Variants in GPAM observed in about 807,000 individuals in gnomAD.
The protein encoded by GPAM is glycerol-3-phosphate acyltransferase 1, mitochondrial.
In GPAM, 56 loss-of-function variants were observed where a neutral mutation model predicts 105.0. That is an observed-to-expected ratio of 0.53 (90% CI 0.43 to 0.67). The LOEUF is 0.67. GPAM is among the 30% of genes least tolerant of loss of function. The pLI is 0.00. For missense variants in GPAM, 855 were observed against 989.8 expected (o/e 0.86, Z 1.83); for synonymous variants, 368 against 354.4 (o/e 1.04, Z -0.43).
At chr10:112,166,227 A>G (rs1264604015) in intron 12 of GPAM, among the ~76,000 whole-genome samples, 175 bp downstream of exon 12, 4 of 152,148 alleles carry the variant, frequency 2.6e-5, no homozygotes, top group Admixed American at 1.3e-4. Flanking sequence ...TCCTTTGTCA[A>G]TAGGCAAATT....
the GPAM span, among the ~76,000 whole-genome samples, chr10:112,220,593 A>G: frequency 6.6e-6 from 1 of 152,150 alleles, no homozygotes; most frequent in South Asian, 2.1e-4. Flanking sequence ...GTCCTTGAAT[A>G]GTGGGTTTGT....
At position 112,152,630 on chromosome 10, in the gene GPAM, T is replaced by C; in HGVS notation, c.*920A>G. On this transcript the variant is annotated 3_prime_UTR_variant, in exon 22 of 22. Coordinates refer to ENST00000348367, the MANE Select transcript of GPAM (RefSeq NM_001244949.2). Reference sequence around the variant, plus strand: ...ATTCTAACAGTCTGTCAGCTCAAGCTAATCAAGTTAGGAAAACTGCTATTT... The same window carrying C: ...ATTCTAACAGTCTGTCAGCTCAAGCCAATCAAGTTAGGAAAACTGCTATTT... 1 of 985,386 alleles carries C rather than the reference T, an allele frequency of 1.0e-6. No homozygotes were observed. Among genetic ancestry groups the C allele is most frequent in the African/African-American group, 1.7e-5 (1 of 57,366 alleles). 61.0% of individuals were successfully genotyped at this position (985,386 alleles called of 1,614,324 possible). A position where few individuals can be genotyped will look rare whatever the true frequency, so the allele number is the denominator to read the frequency against.
At chr10:112,154,491 C>CA in intron 21 of GPAM, 138 bp downstream of exon 21, 1 of 705,274 alleles carries the variant, frequency 1.4e-6, no homozygotes, top group Admixed American at 2.1e-5. Context: ...GCCCCGTTCC[C>CA]AAAAATGCCT....
intron 1 of GPAM, among the ~76,000 whole-genome samples, chr10:112,210,752 C>T (rs1310255269): frequency 2.0e-5 from 3 of 152,204 alleles, no homozygotes; most frequent in Non-Finnish European, 4.4e-5. Flanking sequence ...AGAGTTTCTG[C>T]TCTGTCTGGA....
At chr10:112,171,426 T>G (rs1019614398) in intron 9 of GPAM, among the ~76,000 whole-genome samples, 3 of 152,238 alleles carry the variant, frequency 2.0e-5, no homozygotes, top group African/African-American at 7.2e-5. Flanking sequence ...TCATTCTTTC[T>G]AATCCAGAAT....
intron 13 of GPAM, 123 bp from the exon 14 acceptor site, chr10:112,163,939 C>T (rs912552365): frequency 1.0e-5 from 7 of 693,540 alleles, no homozygotes; most frequent in Non-Finnish European, 1.6e-5. Flanking sequence ...AAACCACAAA[C>T]AGATTATTTC....
chr10:112,160,695 A>T lies in GPAM; in HGVS notation c.1668T>A (p.Phe556Leu). 6.2e-7 allele frequency: 1 copy of T among 1,613,894 alleles called. No homozygotes were observed. Among genetic ancestry groups the T allele is most frequent in the South Asian group, 1.1e-5 (1 of 91,086 alleles). Residue 556 changes from phenylalanine to leucine, a missense_variant, in exon 16 of 22, where the codon TTT becomes TTA. Transcript: ENST00000348367. ...ATGGGACAGTTGTGCTGGGGGTGAT[A>T]AAAAACTCATCGTTCCTGCTAGTGT... is the stretch of plus-strand genomic sequence containing the variant. ...ITHTSRNDEFFITPSTTVPSV... is the reference protein window; with the variant it reads ...ITHTSRNDEFLITPSTTVPSV...
chr10:112,180,209 AAAGT>A (rs572925282), intron 4 of GPAM, among the ~76,000 whole-genome samples: 3 of 152,284 alleles, frequency 2.0e-5, no homozygotes, highest in African/African-American at 7.2e-5. Flanking sequence ...GACTTAACCA[AAAGT>A]AAGATCTACT....
chr10:112,194,630 GA>G (rs1847702260), intron 1 of GPAM, among the ~76,000 whole-genome samples: 1 of 152,178 alleles, frequency 6.6e-6, no homozygotes, highest in Non-Finnish European at 1.5e-5. Flanking sequence ...TTTTAACATG[GA>G]CAAACCCAGA....
At chr10:112,189,111 A>C (rs180987302) in intron 1 of GPAM, among the ~76,000 whole-genome samples, 21 of 152,224 alleles carry the variant, frequency 1.4e-4, no homozygotes, top group Admixed American at 1.2e-3. Context: ...GACTTGCAAA[A>C]ATCTAATGAT....
chr10:112,150,766 A>G lies in GPAM; in HGVS notation c.*2784T>C, dbSNP rs1232554303. ...GCAAACTTGGTTTCCCAGCAACACC[A>G]TTTCTATAAAACACTGATGAACATC... On this transcript the variant is annotated 3_prime_UTR_variant, in exon 22 of 22. Coordinates refer to ENST00000348367, the MANE Select transcript of GPAM (RefSeq NM_001244949.2). 1.6e-5 allele frequency: 16 copies of G among 985,370 alleles called. No individual in the cohort carries two copies. Among genetic ancestry groups the G allele is most frequent in the Non-Finnish European group, 1.9e-5 (16 of 829,876 alleles). 61.0% of individuals were successfully genotyped at this position (985,370 alleles called of 1,614,324 possible).
In GPAM at chr10:112,160,766, C is replaced by T; in HGVS notation, c.1597G>A (p.Val533Ile). ...CCCAGCAGCTGTATGGCATGCATTA[C>T]TACATCTTCTGAATTTCCTGAGAAC... Reference protein sequence around the residue: ...LGFSGNSEDVVMHAIQLLGNC... With the variant: ...LGFSGNSEDVIMHAIQLLGNC... Residue 533 changes from valine to isoleucine, a missense_variant, in exon 16 of 22, where the codon GTA (valine) becomes ATA (isoleucine). Coordinates refer to ENST00000348367, the MANE Select transcript of GPAM (RefSeq NM_001244949.2). The T allele has an allele frequency of 6.2e-7, 1 of 1,614,072 alleles. No homozygotes were observed. The highest frequency in any genetic ancestry group is 8.5e-7 in the Non-Finnish European group (1 of 1,179,950).
At chr10:112,206,789 T>G (rs1847855398) in intron 1 of GPAM, among the ~76,000 whole-genome samples, 1 of 147,980 alleles carries the variant, frequency 6.8e-6, no homozygotes, top group African/African-American at 2.5e-5. Context: ...CTGCACAATG[T>G]ACACATGTAC....
At chr10:112,216,520 A>G (rs1327189442), upstream of GPAM, among the ~76,000 whole-genome samples, 1 of 152,258 alleles carries the variant, frequency 6.6e-6, no homozygotes. Flanking sequence ...GGACAAGTAC[A>G]GTCAAATATT....
chr10:112,202,875 G>T (rs1847813404), intron 1 of GPAM, among the ~76,000 whole-genome samples: 2 of 152,326 alleles, frequency 1.3e-5, no homozygotes, highest in Middle Eastern at 3.4e-3. Context: ...AACATTATTT[G>T]TGCTCTGTTG....
chr10:112,174,515 A>T (rs1486317299), intron 6 of GPAM, among the ~76,000 whole-genome samples: 1 of 152,232 alleles, frequency 6.6e-6, no homozygotes, highest in South Asian at 2.1e-4. Flanking sequence ...CACTTCTAAC[A>T]TCCCAGTTAC....
At chr10:112,227,490 C>T in the GPAM span, among the ~76,000 whole-genome samples, 1 of 152,208 alleles carries the variant, frequency 6.6e-6, no homozygotes, top group Admixed American at 6.5e-5. Flanking sequence ...AAGTGACTCA[C>T]CTGATTGGCT....
At chr10:112,175,926 G>A (rs756144787) in intron 5 of GPAM, among the ~76,000 whole-genome samples, 5 of 152,176 alleles carry the variant, frequency 3.3e-5, no homozygotes, top group Non-Finnish European at 7.3e-5. Context: ...CTTGGAATTT[G>A]TGTATTAATG....
At position 112,190,993 on chromosome 10, in the gene GPAM, G is replaced by A. The variant is rs147543414; in HGVS notation, n.211-8102C>T. Among the ~76,000 whole-genome samples, 710 of 152,260 alleles carry A rather than the reference G, an allele frequency of 4.7e-3. 7 individuals carry two copies. The highest frequency in any genetic ancestry group is 0.016 in the African/African-American group (676 of 41,544). On this transcript the variant is annotated intron_variant and non_coding_transcript_variant, in intron 1 of 3. Coordinates refer to the GPAM transcript ENST00000480130. The stretch of plus-strand genomic sequence containing the variant: ...TCCAAGTCTTAAAGAAGACTGAACT[G>A]TGGCCAAACATCACGGCTTATAATA...
Sources: gnomAD v4.1 joint callset for allele counts (sites outside exome capture counted in the v4.1 genomes callset) on GRCh38, gnomAD v4.1.1 for gene constraint, MANE v1.5 for transcripts, NCBI Gene and HGNC (gene_info 2026-07-23, HGNC 2026-07-21) for gene names.